The following PLAC1 variants were observed in gnomAD, a reference collection of about 807,000 sequenced individuals.
PLAC1 encodes placenta-specific protein 1.
For synonymous variants in PLAC1, 68 were observed against 62.1 expected (o/e 1.09, Z -0.44); for missense variants, 136 against 163.2 (o/e 0.83, Z 0.91).
chrX:134,690,150 T>C (rs1205622742), intron 2 of PLAC1, among the ~76,000 whole-genome samples: 1 of 112,335 alleles, frequency 8.9e-6, no homozygotes, highest in African/African-American at 3.2e-5. Flanking sequence ...TAGCATAATG[T>C]CCTCAAGGTT....
chrX:134,569,772 G>T (rs569771820), intron 2 of PLAC1, among the ~76,000 whole-genome samples: 275 of 104,732 alleles, frequency 2.6e-3, no homozygotes, highest in African/African-American at 7.1e-3. Context: ...GTGTGTGTGT[G>T]TGTGTGTGTG....
At chrX:134,593,131 G>A (rs73566609) in intron 2 of PLAC1, among the ~76,000 whole-genome samples, 9,696 of 111,259 alleles carry the variant, frequency 0.087, 1,065 homozygotes, top group African/African-American at 0.3. Flanking sequence ...TTTTTTCTCT[G>A]CCATGGATGT....
chrX:134,586,878 G>A (rs868623795), intron 2 of PLAC1, among the ~76,000 whole-genome samples: 1 of 33,092 alleles, frequency 3.0e-5, no homozygotes, highest in Non-Finnish European at 8.1e-5. Flanking sequence ...TGTGTGTTTG[G>A]TAGAGATGGG....
At chrX:134,581,806 C>G (rs191264638) in intron 2 of PLAC1, among the ~76,000 whole-genome samples, 17 of 110,594 alleles carry the variant, frequency 1.5e-4, no homozygotes, top group Non-Finnish European at 3.0e-4. Flanking sequence ...TATGAAGAAT[C>G]CTATATTGTT....
chrX:134,595,161 G>A (rs1383845254), intron 2 of PLAC1, among the ~76,000 whole-genome samples: 8 of 110,369 alleles, frequency 7.2e-5, no homozygotes, highest in Non-Finnish European at 1.5e-4. Flanking sequence ...CAAGTGTTTG[G>A]ATGTTTTCCT....
chrX:134,566,577 T>C lies in PLAC1; in HGVS notation c.106A>G (p.Met36Val). 8.3e-7 allele frequency: 1 copy of C among 1,211,206 alleles called. No homozygotes were observed. Among genetic ancestry groups the C allele is most frequent in the Non-Finnish European group, 1.1e-6 (1 of 894,965 alleles). The change falls in exon 3 of 3, where the codon ATG becomes GTG. Residue 36 changes from methionine (M) to valine (V), a missense_variant. By Grantham distance (21) the Met-to-Val change is conservative. Coordinates refer to ENST00000359237, the MANE Select transcript of PLAC1 (RefSeq NM_021796.4). Reference sequence around the variant, plus strand: ...AGCATGAAGGGGTGCACTGTGACCATGAACCAGTCTATGGAGCACAGCACA... The same window carrying C: ...AGCATGAAGGGGTGCACTGTGACCACGAACCAGTCTATGGAGCACAGCACA... Reference protein sequence around the residue: ...MTVLCSIDWFMVTVHPFMLNN... With the variant: ...MTVLCSIDWFVVTVHPFMLNN...
intron 2 of PLAC1, among the ~76,000 whole-genome samples, chrX:134,668,034 A>G (rs901584260): frequency 1.8e-5 from 2 of 112,265 alleles, no homozygotes; most frequent in African/African-American, 6.5e-5. Flanking sequence ...AAACACTTGT[A>G]CACGAATGTT....
chrX:134,717,177 T>TGGGTACGTGTGCGTTCTG (rs1403607432), intron 2 of PLAC1, among the ~76,000 whole-genome samples: 2 of 111,733 alleles, frequency 1.8e-5, no homozygotes, highest in African/African-American at 6.5e-5. Flanking sequence ...ATGTGCGTGC[T>TGGGTACGTGTGCGTTCTG]GGGTACGTGT....
Position 134,762,821 on chromosome X carries a change from CAAAAAAAAAAAAA to C in PLAC1, n.89+1400_89+1412del, listed in dbSNP as rs60721487. 2.0e-4 allele frequency among the ~76,000 whole-genome samples: 3 copies of C among 14,819 alleles called. No homozygotes were observed. The Admixed American group carries it at 3.5e-3, about 18-fold the overall frequency. The allele number at this position is 14,819 out of a possible 115,157, so 12.9% of individuals were successfully genotyped here. A position where few individuals can be genotyped will look rare whatever the true frequency, so the allele number is the denominator to read the frequency against. On this transcript the variant is annotated intron_variant and non_coding_transcript_variant, in intron 1 of 2. Coordinates refer to the PLAC1 transcript ENST00000466797. The stretch of plus-strand genomic sequence containing the variant: ...TGGGTGACAGAATGAGGCTCTATCT[CAAAAAAAAAAAAA>C]AAAAAAAAAAAAAAGAAAAGAAAAG...
intron 2 of PLAC1, among the ~76,000 whole-genome samples, chrX:134,575,215 C>T (rs933868347): frequency 4.5e-5 from 5 of 111,269 alleles, no homozygotes; most frequent in African/African-American, 1.3e-4. Context: ...TGCAGTTGAC[C>T]CCATATCCAC....
chrX:134,663,447 T>TGTGC (rs1556125102), upstream of PLAC1, among the ~76,000 whole-genome samples: 19 of 112,804 alleles, frequency 1.7e-4, no homozygotes, highest in Non-Finnish European at 3.2e-4. Context: ...TGTGTGTGTG[T>TGTGC]GCGCGCACGC....
intron 2 of PLAC1, among the ~76,000 whole-genome samples, chrX:134,594,561 C>A (rs947732491): frequency 9.0e-6 from 1 of 111,156 alleles, no homozygotes; most frequent in Non-Finnish European, 1.9e-5. Flanking sequence ...AATTTAATTT[C>A]CTTAATAGTT....
chrX:134,603,316 T>TATATA (rs1569384389), intron 1 of PLAC1, among the ~76,000 whole-genome samples: 1 of 11,412 alleles, frequency 8.8e-5, no homozygotes, highest in African/African-American at 4.0e-4. Context: ...TATATATATT[T>TATATA]TTTTTTTTTT....
At chrX:134,726,965 C>G (rs1351445086) in intron 2 of PLAC1, among the ~76,000 whole-genome samples, 3 of 110,494 alleles carry the variant, frequency 2.7e-5, no homozygotes, top group Non-Finnish European at 5.7e-5. Flanking sequence ...CCCCCTTTCT[C>G]TCCCTCCTCT....
chrX:134,590,034 A>AG (rs2124373947), intron 2 of PLAC1, among the ~76,000 whole-genome samples: 1 of 106,678 alleles, frequency 9.4e-6, no homozygotes, highest in South Asian at 4.1e-4. Flanking sequence ...TCTGTACTAA[A>AG]AATACAAAAA....
At chrX:134,687,720 A>AATCTACTT (rs1490040364) in intron 2 of PLAC1, among the ~76,000 whole-genome samples, 2 of 102,555 alleles carry the variant, frequency 2.0e-5, no homozygotes, top group African/African-American at 7.2e-5. Flanking sequence ...GCCTTAGTGG[A>AATCTACTT]ATCTACTTAA....
rs945397009 is a variant in PLAC1 at position 134,636,358 on chromosome X, T to C, written c.-131+21970A>G. ...GTCTCAAAGGCCAATGATGGCTTCCTCCAAGTCACCTTTTCCCAGGATCCA... is the reference window on the plus strand; with the variant it reads ...GTCTCAAAGGCCAATGATGGCTTCCCCCAAGTCACCTTTTCCCAGGATCCA... On this transcript the variant is annotated intron_variant, in intron 1 of 2. Coordinates refer to ENST00000359237, the MANE Select transcript of PLAC1 (RefSeq NM_021796.4). 2.7e-5 allele frequency among the ~76,000 whole-genome samples: 3 copies of C among 112,116 alleles called. No homozygotes were observed. In the Admixed American group the frequency reaches 2.8e-4, roughly 11 times the overall value.
intron 1 of PLAC1, among the ~76,000 whole-genome samples, chrX:134,610,353 T>C (rs993783950): frequency 1.8e-5 from 2 of 111,230 alleles, no homozygotes; most frequent in African/African-American, 3.3e-5. Flanking sequence ...CCACCAATGG[T>C]GTCTCTTCAC....
chrX:134,568,615 C>A (rs1307079103), intron 2 of PLAC1, among the ~76,000 whole-genome samples: 1 of 111,490 alleles, frequency 9.0e-6, no homozygotes, highest in Non-Finnish European at 1.9e-5. Flanking sequence ...TCTTCTGGGA[C>A]AACTTTTTTG....
Sources: allele counts gnomAD v4.1 joint callset (sites outside exome capture counted in the v4.1 genomes callset), GRCh38; gene constraint gnomAD v4.1.1; transcripts MANE v1.5; gene names NCBI Gene and HGNC (gene_info 2026-07-23, HGNC 2026-07-21).